ZNF91: variants seen among roughly 807,000 people sequenced by gnomAD.
ZNF91 encodes the protein zinc finger protein 91.
In ZNF91, 7 loss-of-function variants were observed where a neutral mutation model predicts 12.6. The observed-to-expected ratio is 0.55, with a 90% CI of 0.31 to 1.04. The LOEUF is 1.04. Among genes scored for constraint, ZNF91 ranks in the 50% least tolerant of loss-of-function variants. The pLI is 0.05. For missense variants in ZNF91, 1,217 were observed against 1,385.4 expected (o/e 0.88, Z 1.93); for synonymous variants, 453 against 462.6 (o/e 0.98, Z 0.27).
chr19:23,376,308 G>A (rs1969502011), intron 1 of ZNF91, among the ~76,000 whole-genome samples: 1 of 151,946 alleles, frequency 6.6e-6, no homozygotes, highest in Non-Finnish European at 1.5e-5. Context: ...TGGCATATAA[G>A]AAGCCATCAT....
chr19:23,317,612 T>C (rs1967594342), intron 1 of ZNF91, among the ~76,000 whole-genome samples: 1 of 152,180 alleles, frequency 6.6e-6, no homozygotes, highest in Non-Finnish European at 1.5e-5. Context: ...ATTGTCATAC[T>C]GCCACGTGAA....
intron 1 of ZNF91, among the ~76,000 whole-genome samples, chr19:23,394,635 G>A (rs1271478839): frequency 6.6e-6 from 1 of 152,132 alleles, no homozygotes; most frequent in East Asian, 1.9e-4. Context: ...GGCTGAGGCA[G>A]GAGAATCGCT....
chr19:23,326,688 T>TA (rs1169384355), intron 1 of ZNF91: 4 of 152,192 alleles, frequency 2.6e-5, no homozygotes. Context: ...TACCATCATG[T>TA]AAATTGGAAG....
chr19:23,341,549 C>G (rs1968124565), intron 3 of ZNF91, among the ~76,000 whole-genome samples: 1 of 151,514 alleles, frequency 6.6e-6, no homozygotes, highest in Admixed American at 6.6e-5. Context: ...CAATAATAAT[C>G]CAACTAAAAA....
Position 23,362,080 on chromosome 19 carries a change from C to T in ZNF91, c.899G>A (p.Gly300Asp), listed in dbSNP as rs1968811596. ...GEKPYKCEECGKAFSHSSTLA... is the reference protein window; with the variant it reads ...GEKPYKCEECDKAFSHSSTLA... ...GGTTGAAGAATGGCTAAAAGCTTTGCCACATTCTTCACATTTGTAGGGTTT... is the reference window on the plus strand; with the variant it reads ...GGTTGAAGAATGGCTAAAAGCTTTGTCACATTCTTCACATTTGTAGGGTTT... The change falls in exon 4 of 4, where the codon GGC becomes GAC. Residue 300 changes from glycine to aspartate, a missense_variant. Physicochemically the swap from Gly to Asp is moderately conservative, Grantham distance 94. Around this residue, in one of 2 missense-constraint regions of ZNF91, gnomAD observed 726 missense variants for 895.5 expected, o/e 0.81. Transcript: ENST00000300619. 1.2e-6 allele frequency: 2 copies of T among 1,613,740 alleles called. No individual in the cohort carries two copies.
chr19:23,347,219 C>G (rs1211824526), intron 3 of ZNF91, among the ~76,000 whole-genome samples: 1 of 152,142 alleles, frequency 6.6e-6, no homozygotes, highest in Non-Finnish European at 1.5e-5. Context: ...AGCCAGTCAA[C>G]AGATCAACAT....
intron 1 of ZNF91, among the ~76,000 whole-genome samples, chr19:23,323,521 CTCT>C (rs1967758533): frequency 7.9e-6 from 1 of 127,112 alleles, no homozygotes; most frequent in Admixed American, 7.5e-5. Flanking sequence ...TTCTCCTCTA[CTCT>C]TCTCCTCCTT....
At chr19:23,392,934 A>C (rs1287004687) in intron 1 of ZNF91, among the ~76,000 whole-genome samples, 1 of 152,170 alleles carries the variant, frequency 6.6e-6, no homozygotes, top group Non-Finnish European at 1.5e-5. Flanking sequence ...CTGCTCACTT[A>C]AGTGCTCAAT....
chr19:23,330,021 C>T (rs1967899496), intron 1 of ZNF91, among the ~76,000 whole-genome samples: 1 of 152,188 alleles, frequency 6.6e-6, no homozygotes, highest in Non-Finnish European at 1.5e-5. Context: ...TCTTCTAAGA[C>T]CATCTCACAT....
At position 23,359,152 on chromosome 19, in the gene ZNF91, G is replaced by C. The variant is rs894808136; in HGVS notation, c.*251C>G. The C allele has an allele frequency of 1.9e-6, 1 of 522,366 alleles. No homozygotes were observed. The highest frequency in any genetic ancestry group is 3.0e-4 in the Middle Eastern group (1 of 3,348). 32.4% of individuals were successfully genotyped at this position (522,366 alleles called of 1,614,324 possible). A position where few individuals can be genotyped will look rare whatever the true frequency, so the allele number is the denominator to read the frequency against. ...TCCAGTATGAATTACCTTATGTTTA[G>C]TAAAGGTTGAAGACCGGTTAAAAGA... On this transcript the variant is annotated 3_prime_UTR_variant, in exon 4 of 4. Coordinates refer to ENST00000300619, the MANE Select transcript of ZNF91 (RefSeq NM_003430.4).
chr19:23,392,617 C>A (rs1970104271), intron 1 of ZNF91, among the ~76,000 whole-genome samples: 1 of 151,866 alleles, frequency 6.6e-6, no homozygotes, highest in South Asian at 2.1e-4. Context: ...CATGGTGAAA[C>A]CCCATCTCTA....
At chr19:23,388,141 G>A (rs997974167) in intron 1 of ZNF91, among the ~76,000 whole-genome samples, 4 of 152,006 alleles carry the variant, frequency 2.6e-5, no homozygotes, top group Non-Finnish European at 4.4e-5. Flanking sequence ...AGCTACTCAG[G>A]AGGCTGAGGC....
chr19:23,356,089 T>C (rs1325286030), downstream of ZNF91, among the ~76,000 whole-genome samples: 1 of 152,110 alleles, frequency 6.6e-6, no homozygotes, highest in Non-Finnish European at 1.5e-5. Context: ...AACATATAAA[T>C]GCATATGGAA....
chr19:23,353,334 T>G (rs1457870140), downstream of ZNF91, among the ~76,000 whole-genome samples: 2 of 152,046 alleles, frequency 1.3e-5, no homozygotes, highest in Non-Finnish European at 2.9e-5. Context: ...TTCATGGAAA[T>G]TAAATAATCT....
intron 3 of ZNF91, among the ~76,000 whole-genome samples, chr19:23,368,327 C>T (rs1294376891): frequency 6.6e-6 from 1 of 151,858 alleles, no homozygotes; most frequent in African/African-American, 2.4e-5. Context: ...CCAGCCTGAA[C>T]AAGATGGTGA....
At chr19:23,381,309 T>C (rs1237490823) in intron 1 of ZNF91, among the ~76,000 whole-genome samples, 1 of 152,226 alleles carries the variant, frequency 6.6e-6, no homozygotes, top group Non-Finnish European at 1.5e-5. Context: ...TTTATATTCA[T>C]ACTCTTGCAG....
At position 23,359,917 on chromosome 19, in the gene ZNF91, G is replaced by C; in HGVS notation, c.3062C>G (p.Pro1021Arg). ...TTTGCCACATTCTTCACATTTGTAT[G>C]GTTTCTCTCCAGTGTGCATCCTCGT... ...RHTRMHTGEK[P>R]YKCEECGKAF... Residue 1021 changes from proline to arginine, a missense_variant, in exon 4 of 4, where the codon CCA becomes CGA. By Grantham distance (103) the Pro-to-Arg change is moderately radical. Coordinates refer to ENST00000300619, the MANE Select transcript of ZNF91 (RefSeq NM_003430.4). 5 of 1,588,024 alleles carry C rather than the reference G, an allele frequency of 3.1e-6. No homozygotes were observed. The highest frequency in any genetic ancestry group is 4.3e-6 in the Non-Finnish European group (5 of 1,160,376).
chr19:23,340,227 A>C (rs1468170227), intron 3 of ZNF91: 1 of 152,156 alleles, frequency 6.6e-6, no homozygotes, highest in Non-Finnish European at 1.5e-5. Flanking sequence ...AAAAACAATA[A>C]AAATGACCAA....
chr19:23,371,463 G>C (rs1409161003), intron 3 of ZNF91, among the ~76,000 whole-genome samples: 1 of 152,122 alleles, frequency 6.6e-6, no homozygotes, highest in Non-Finnish European at 1.5e-5. Context: ...GATTGTGATA[G>C]ACATATGGCT....
Sources: gnomAD v4.1 joint callset for allele counts (sites outside exome capture counted in the v4.1 genomes callset) on GRCh38, gnomAD v4.1.1 for gene constraint, gnomAD v4.1.1 regional missense constraint, MANE v1.5 for transcripts, NCBI Gene and HGNC (gene_info 2026-07-23, HGNC 2026-07-21) for gene names.